LRP8: variants seen among roughly 807,000 people sequenced by gnomAD.
LRP8 encodes the protein LDL receptor related protein 8.
A neutral mutation model predicts 111.6 loss-of-function variants in LRP8; 46 were observed. The ratio of observed to expected loss-of-function variants is 0.41; its 90% confidence interval spans 0.33 to 0.53. The LOEUF (loss-of-function observed/expected upper bound fraction) is 0.53. LRP8 is among the 20% of genes least tolerant of loss of function. The pLI, the probability that LRP8 is intolerant of heterozygous loss-of-function variation, is 0.20. For missense variants in LRP8, 959 were observed against 1,297.4 expected, an observed-to-expected ratio of 0.74 and a Z score of 4.01; for synonymous variants, 464 against 511.2, an observed-to-expected ratio of 0.91 and a Z score of 1.24.
intron 3 of LRP8, 144 bp downstream of exon 3, chr1:53,289,423 A>G (rs1026894439): frequency 2.9e-5 from 34 of 1,155,890 alleles, no homozygotes; most frequent in Non-Finnish European, 3.9e-5. Flanking sequence ...CCAGCAACTA[A>G]ATATATCTGT....
intron 3 of LRP8, among the ~76,000 whole-genome samples, chr1:53,283,227 G>A (rs1282474915): frequency 1.3e-5 from 2 of 152,066 alleles, no homozygotes; most frequent in Non-Finnish European, 2.9e-5. Context: ...TGAGGATGAA[G>A]CAAGGAGGTG....
intron 2 of LRP8, among the ~76,000 whole-genome samples, chr1:53,313,712 G>A (rs1386341743): frequency 1.3e-5 from 2 of 152,150 alleles, no homozygotes; most frequent in African/African-American, 2.4e-5. Flanking sequence ...GACAGGAGAC[G>A]CCTGGGGCTT....
rs1649402686 is a variant in LRP8, at chr1:53,294,862, C to A, written c.245-5173G>T. Reference sequence around the variant, plus strand: ...CATCCTTCCCATGCTGCTCCCCACCCACACGCATCGTGGAGCCCCGGTGCA... The same window carrying A: ...CATCCTTCCCATGCTGCTCCCCACCAACACGCATCGTGGAGCCCCGGTGCA... On this transcript the variant is annotated intron_variant, in intron 2 of 18. Coordinates refer to ENST00000306052, the MANE Select transcript of LRP8 (RefSeq NM_004631.5). This position sits in a 1 kb window ranked among gnomAD's most constrained non-coding sequence, Gnocchi z 4.1. 6.6e-6 allele frequency among the ~76,000 whole-genome samples: 1 copy of A among 152,248 alleles called. No homozygotes were observed.
chr1:53,283,120 TAGG>T (rs1249370072), intron 3 of LRP8, among the ~76,000 whole-genome samples: 1 of 152,110 alleles, frequency 6.6e-6, no homozygotes, highest in African/African-American at 2.4e-5. Context: ...GTGAGGCCTT[TAGG>T]AGGTGATTAA....
chr1:53,248,238 AT>A (rs2100332777), intron 18 of LRP8, among the ~76,000 whole-genome samples: 2 of 152,306 alleles, frequency 1.3e-5, no homozygotes, highest in African/African-American at 4.8e-5. Flanking sequence ...CTTTCAAGTC[AT>A]CTTTGGGTTA....
At chr1:53,255,414 G>C (rs1398726168) in intron 15 of LRP8, among the ~76,000 whole-genome samples, 1 of 152,174 alleles carries the variant, frequency 6.6e-6, no homozygotes, top group Non-Finnish European at 1.5e-5. Context: ...TCTTAACTGA[G>C]GGGTTTCAGA....
chr1:53,262,402 AAGGCACTAGAAT>A lies in LRP8; in HGVS notation c.1774+32_1774+43del. ...TGGAGTTCCAGACAGTGATCAGGAC[AAGGCACTAGAAT>A]AGGCCCCCAACCCAGGAAAGGCAGG... On this transcript the variant is annotated intron_variant, in intron 11 of 18. Transcript: ENST00000306052. This position sits in a 1 kb window ranked among gnomAD's most constrained non-coding sequence, Gnocchi z 4.8. 3 of 1,578,562 alleles carry A rather than the reference AAGGCACTAGAAT, an allele frequency of 1.9e-6. No homozygotes were observed. Among genetic ancestry groups the A allele is most frequent in the Non-Finnish European group, 2.6e-6 (3 of 1,148,940 alleles).
rs946384351 is a variant in LRP8, at chr1:53,279,174, G to A, written c.496+1413C>T. 4.6e-5 allele frequency among the ~76,000 whole-genome samples: 7 copies of A among 152,016 alleles called. No homozygotes were observed. The highest frequency in any genetic ancestry group is 8.8e-5 in the Non-Finnish European group (6 of 68,012). On this transcript the variant is annotated intron_variant, in intron 4 of 18. Coordinates refer to ENST00000306052, the MANE Select transcript of LRP8 (RefSeq NM_004631.5). This position sits in a 1 kb window ranked among gnomAD's most constrained non-coding sequence, Gnocchi z 4.4. The stretch of plus-strand genomic sequence containing the variant: ...TTAAGATCCATATTCTCAGGCCTAC[G>A]TAGGCCGAGAGACCCTACTCCTAGC...
intron 2 of LRP8, among the ~76,000 whole-genome samples, chr1:53,314,704 C>A (rs1424406260): frequency 6.6e-6 from 1 of 152,146 alleles, no homozygotes; most frequent in Non-Finnish European, 1.5e-5. Context: ...ACGCATTGGA[C>A]CCCCTGACCT....
Position 53,257,395 on chromosome 1 carries a change from G to T in LRP8, c.2279C>A (p.Ala760Asp). The T allele has an allele frequency of 6.2e-7, 1 of 1,614,124 alleles. No individual in the cohort carries two copies. The highest frequency in any genetic ancestry group is 8.5e-7 in the Non-Finnish European group (1 of 1,180,020). Residue 760 changes from alanine to aspartate, a missense_variant, in exon 15 of 19, where the codon GCC (alanine) becomes GAC (aspartate). By Grantham distance (126) the Ala-to-Asp change is moderately radical. This residue lies in a region of LRP8 where 819 missense variants were observed against 1,097.6 expected (regional missense o/e 0.75). Transcript: ENST00000306052. Reference protein sequence around the residue: ...MTRTVPATTRAPGTTVHRSTY... With the variant: ...MTRTVPATTRDPGTTVHRSTY... ...GGATCTGTGGACGGTGGTCCCGGGG[G>T]CTCTTGTGGTGGCAGGTACTGTCCT...
In LRP8 at chr1:53,262,137, T is replaced by C; in HGVS notation, c.1845A>G (p.Gly615=). 1 of 1,614,128 alleles carries C rather than the reference T, an allele frequency of 6.2e-7. No individual in the cohort carries two copies. Among genetic ancestry groups the C allele is most frequent in the African/African-American group, 1.3e-5 (1 of 75,046 alleles). ...AGGAGATCAGCGTCTTTCTGTTGCC[T>C]CCACTGAAGTCAATGCTGGACAGTT... ...LHQLSSIDFS[G]GNRKTLISST... is the part of the protein sequence containing the mutation. The change falls in exon 12 of 19, where the codon GGA becomes GGG. Residue 615 remains glycine (G), a synonymous_variant. Coordinates refer to ENST00000306052, the MANE Select transcript of LRP8 (RefSeq NM_004631.5). The surrounding 1 kb of genome is among the most constrained non-coding windows in gnomAD (Gnocchi z 4.8).
chr1:53,286,545 A>G lies in LRP8; in HGVS notation c.367+3022T>C, dbSNP rs117112218. ...GAAGGTGGGTCAGAAGCCGTCCCCAATCAAGTGAGCTATAATTAGAGCTGA... is the reference window on the plus strand; with the variant it reads ...GAAGGTGGGTCAGAAGCCGTCCCCAGTCAAGTGAGCTATAATTAGAGCTGA... On this transcript the variant is annotated intron_variant, in intron 3 of 18. Coordinates refer to ENST00000306052, the MANE Select transcript of LRP8 (RefSeq NM_004631.5). Among the ~76,000 whole-genome samples the G allele has an allele frequency of 6.3e-4, 96 of 152,300 alleles. No homozygotes were observed. The East Asian group carries it at 0.013, about 21-fold the overall frequency.
At position 53,289,573 on chromosome 1, in the gene LRP8, T is replaced by G; in HGVS notation, c.361A>C (p.Thr121Pro). The G allele has an allele frequency of 6.2e-7, 1 of 1,600,654 alleles. No individual in the cohort carries two copies. The highest frequency in any genetic ancestry group is 8.5e-7 in the Non-Finnish European group (1 of 1,172,830). Residue 121 changes from threonine to proline, a missense_variant, in exon 3 of 19, where the codon ACT becomes CCT. This residue lies in a region of LRP8 where 43 missense variants were observed against 92.4 expected (regional missense o/e 0.47). Transcript: ENST00000306052. ...CPDGSDESEA[T>P]CTKQVCPAEK... ...ACTGAGGGGCAGGACTCACTGCAAGTGGCCTCGGACTCATCGGAGCCATCA... is the reference window on the plus strand; with the variant it reads ...ACTGAGGGGCAGGACTCACTGCAAGGGGCCTCGGACTCATCGGAGCCATCA...
chr1:53,270,816 C>G (rs1009470911), intron 8 of LRP8, among the ~76,000 whole-genome samples: 1 of 152,204 alleles, frequency 6.6e-6, no homozygotes, highest in African/African-American at 2.4e-5. Flanking sequence ...CTCTTATCTC[C>G]TTAATAAACC....
At chr1:53,247,132 C>G (rs149323490) in intron 18 of LRP8, 76 bp from the exon 19 acceptor site, 8 of 1,139,956 alleles carry the variant, frequency 7.0e-6, no homozygotes, top group Non-Finnish European at 1.0e-5. Flanking sequence ...AAATCACAGA[C>G]TTACGTTACT....
At chr1:53,277,516 T>A (rs1646966832) in intron 4 of LRP8, among the ~76,000 whole-genome samples, 1 of 152,138 alleles carries the variant, frequency 6.6e-6, no homozygotes, top group African/African-American at 2.4e-5. Flanking sequence ...CCTGGCCTGG[T>A]ATCCAAGGCG....
At chr1:53,320,835 AC>A in intron 2 of LRP8, among the ~76,000 whole-genome samples, 1 of 151,370 alleles carries the variant, frequency 6.6e-6, no homozygotes, top group Admixed American at 6.6e-5. Flanking sequence ...CCAGCCTCTG[AC>A]CCCACCAGGG....
intron 2 of LRP8, among the ~76,000 whole-genome samples, chr1:53,295,958 G>A (rs1470299127): frequency 6.6e-6 from 1 of 152,170 alleles, no homozygotes; most frequent in African/African-American, 2.4e-5. Flanking sequence ...CCTGGTAGTT[G>A]TACTTAGCCG....
Position 53,246,716 on chromosome 1 carries a change from A to G in LRP8, c.*302T>C. ...GTAAGGTACTGTGCCATTGGCCCCCATTTGGTTATGTGCATCATGTTAGTC... is the reference window on the plus strand; with the variant it reads ...GTAAGGTACTGTGCCATTGGCCCCCGTTTGGTTATGTGCATCATGTTAGTC... On this transcript the variant is annotated 3_prime_UTR_variant, in exon 19 of 19. Transcript: ENST00000306052. 1 of 375,940 alleles carries G rather than the reference A, an allele frequency of 2.7e-6. No homozygotes were observed. Among genetic ancestry groups the G allele is most frequent in the Non-Finnish European group, 4.8e-6 (1 of 209,626 alleles). 23.3% of individuals were successfully genotyped at this position (375,940 alleles called of 1,614,324 possible).
Sources: gnomAD v4.1 joint callset for allele counts (sites outside exome capture counted in the v4.1 genomes callset) on GRCh38, gnomAD v4.1.1 for gene constraint, gnomAD v4.1.1 regional missense constraint, Gnocchi (gnomAD v3.1) non-coding constraint, MANE v1.5 for transcripts, NCBI Gene and HGNC (gene_info 2026-07-23, HGNC 2026-07-21) for gene names.